PCDH15: variants seen among roughly 807,000 people sequenced by gnomAD.
PCDH15 encodes the protein protocadherin-15.
Under a neutral mutation model 178.5 loss-of-function variants are expected in PCDH15, and 129 were observed. The observed-to-expected ratio is 0.72, with a 90% CI of 0.63 to 0.84. The LOEUF is 0.84. Ranked by LOEUF, PCDH15 falls within the 40% of genes least tolerant of loss-of-function variation. The pLI is 0.00. For synonymous variants in PCDH15, 800 were observed against 732.0 expected (o/e 1.09, Z -1.50); for missense variants, 2,230 against 2,099.9 (o/e 1.06, Z -1.21).
intron 2 of PCDH15, among the ~76,000 whole-genome samples, chr10:55,404,708 G>C (rs1056295394): frequency 6.6e-6 from 1 of 151,804 alleles, no homozygotes; most frequent in Non-Finnish European, 1.5e-5. Flanking sequence ...GGACTAATAT[G>C]TTTAACATTT....
intron 27 of PCDH15, among the ~76,000 whole-genome samples, chr10:53,865,085 A>G (rs927653774): frequency 7.2e-5 from 11 of 152,086 alleles, no homozygotes; most frequent in African/African-American, 2.7e-4. Flanking sequence ...TGGGTGATAG[A>G]ACCAGACCTT....
chr10:55,406,853 G>T (rs1232680460), intron 2 of PCDH15, among the ~76,000 whole-genome samples: 1 of 152,148 alleles, frequency 6.6e-6, no homozygotes, highest in Non-Finnish European at 1.5e-5. Flanking sequence ...ACATTAAAAA[G>T]TGGTATAAAA....
At position 54,890,762 on chromosome 10, in the gene PCDH15, C is replaced by G. The variant is rs1485269046; in HGVS notation, c.-29+6688G>C. On this transcript the variant is annotated intron_variant, in intron 3 of 5. Coordinates refer to the PCDH15 transcript ENST00000458638. ...TCCTACAGAATATGTAGTGGTAGGC[C>G]TGGCACATGTCATCATCCAAACTGA... 4.6e-5 allele frequency among the ~76,000 whole-genome samples: 7 copies of G among 151,942 alleles called. No individual in the cohort carries two copies. The East Asian group carries it at 1.4e-3, about 29-fold the overall frequency.
chr10:53,993,080 G>C (rs1219493881), intron 21 of PCDH15, among the ~76,000 whole-genome samples: 7 of 152,150 alleles, frequency 4.6e-5, no homozygotes, highest in South Asian at 2.1e-4. Flanking sequence ...CCAACCTCTA[G>C]AAATGAAAAT....
At chr10:53,878,677 C>A (rs1345304963) in intron 26 of PCDH15, among the ~76,000 whole-genome samples, 1 of 151,498 alleles carries the variant, frequency 6.6e-6, no homozygotes, top group Admixed American at 6.6e-5. Flanking sequence ...TATATATTAG[C>A]ATTTATTATG....
intron 3 of PCDH15, among the ~76,000 whole-genome samples, chr10:54,493,165 A>C (rs1218683724): frequency 1.3e-5 from 2 of 152,142 alleles, no homozygotes; most frequent in Non-Finnish European, 2.9e-5. Context: ...GAACACAGTC[A>C]ACCATATCAC....
intron 2 of PCDH15, among the ~76,000 whole-genome samples, chr10:55,011,566 T>C (rs1840048802): frequency 6.6e-6 from 1 of 152,080 alleles, no homozygotes; most frequent in Non-Finnish European, 1.5e-5. Context: ...TTTACATACT[T>C]TAAATTATTC....
chr10:54,521,049 C>T (rs2082802143), intron 3 of PCDH15, among the ~76,000 whole-genome samples: 1 of 115,740 alleles, frequency 8.6e-6, no homozygotes, highest in Admixed American at 1.3e-4. Context: ...ACATCACATT[C>T]TGGGGACTGT....
At chr10:54,379,806 T>C (rs756052314) in intron 3 of PCDH15, among the ~76,000 whole-genome samples, 2 of 152,060 alleles carry the variant, frequency 1.3e-5, no homozygotes, top group Non-Finnish European at 2.9e-5. Context: ...ATCCATTTTA[T>C]TAAACTTATA....
rs372460645 is a variant in PCDH15 at position 54,595,207 on chromosome 10, T to C, written c.92-67330A>G. 3.3e-5 allele frequency among the ~76,000 whole-genome samples: 5 copies of C among 151,776 alleles called. No homozygotes were observed. In the East Asian group the frequency reaches 7.7e-4, roughly 23 times the overall value. The stretch of plus-strand genomic sequence containing the variant: ...CTTTGGCTGGGAGTAGCCATTAGAG[T>C]GTTGTGACCAGCAGTCTGAGATCAC... On this transcript the variant is annotated intron_variant, in intron 2 of 37. Coordinates refer to ENST00000644397, the MANE Select transcript of PCDH15 (RefSeq NM_001384140.1).
chr10:54,473,846 T>C (rs1177956798), intron 3 of PCDH15, among the ~76,000 whole-genome samples: 3 of 151,874 alleles, frequency 2.0e-5, no homozygotes, highest in African/African-American at 7.2e-5. Flanking sequence ...AATTTTTCTA[T>C]ATACATGAAG....
intron 11 of PCDH15, among the ~76,000 whole-genome samples, chr10:54,191,900 GA>G (rs2049034762): frequency 6.7e-6 from 1 of 148,784 alleles, no homozygotes; most frequent in African/African-American, 2.5e-5. Context: ...CAGCCTGGGT[GA>G]CAGAGAGAAA....
intron 2 of PCDH15, among the ~76,000 whole-genome samples, chr10:54,635,725 C>T (rs756047667): frequency 2.6e-5 from 4 of 151,784 alleles, no homozygotes; most frequent in Non-Finnish European, 5.9e-5. Context: ...AATTGTTCTG[C>T]TATTATACTC....
chr10:54,887,569 G>A (rs1954380419), intron 3 of PCDH15, among the ~76,000 whole-genome samples: 1 of 151,748 alleles, frequency 6.6e-6, no homozygotes, highest in African/African-American at 2.4e-5. Flanking sequence ...ATAAAACCAG[G>A]TCAAAAGAGT....
At chr10:54,455,508 T>C (rs996560643) in intron 3 of PCDH15, among the ~76,000 whole-genome samples, 1 of 152,180 alleles carries the variant, frequency 6.6e-6, no homozygotes, top group Admixed American at 6.5e-5. Flanking sequence ...ACTCTTGCTA[T>C]GCAGGGAGAC....
intron 2 of PCDH15, among the ~76,000 whole-genome samples, chr10:55,620,493 A>G (rs191949499): frequency 2.3e-4 from 35 of 152,184 alleles, no homozygotes; most frequent in African/African-American, 8.4e-4. Context: ...AGAACCTTAA[A>G]GAGAGCAAAT....
At chr10:54,544,571 TATTTA>T (rs1258531326) in intron 2 of PCDH15, among the ~76,000 whole-genome samples, 3 of 152,174 alleles carry the variant, frequency 2.0e-5, no homozygotes, top group African/African-American at 4.8e-5. Flanking sequence ...TGGTACTCCA[TATTTA>T]ATTTAATTGT....
chr10:54,092,185 C>G (rs531404036), intron 15 of PCDH15, among the ~76,000 whole-genome samples: 13 of 152,292 alleles, frequency 8.5e-5, no homozygotes, highest in African/African-American at 3.1e-4. Flanking sequence ...TGAGGGCTCA[C>G]TCTTACATTC....
chr10:55,209,902 A>G (rs1840515418), intron 1 of PCDH15, among the ~76,000 whole-genome samples: 1 of 152,176 alleles, frequency 6.6e-6, no homozygotes, highest in Non-Finnish European at 1.5e-5. Flanking sequence ...TGGATCAGAT[A>G]TCCTAGAAAA....
Sources: allele counts gnomAD v4.1 joint callset (sites outside exome capture counted in the v4.1 genomes callset), GRCh38; gene constraint gnomAD v4.1.1; transcripts MANE v1.5; gene names NCBI Gene and HGNC (gene_info 2026-07-23, HGNC 2026-07-21).